SLC15A1: variants seen among roughly 807,000 people sequenced by gnomAD.
SLC15A1 encodes Caco-2 oligopeptide transporter.
SLC15A1 carries 83 observed loss-of-function variants against 92.9 expected under a neutral mutation model. That is an observed-to-expected ratio of 0.89 (90% CI 0.75 to 1.07). SLC15A1 has a LOEUF of 1.07. Among genes scored for constraint, SLC15A1 ranks in the 50% least tolerant of loss-of-function variants. The pLI is 0.00. For synonymous variants in SLC15A1, 322 were observed against 318.2 expected, an observed-to-expected ratio of 1.01 and a Z score of -0.13; for missense variants, 857 against 880.1, an observed-to-expected ratio of 0.97 and a Z score of 0.33.
intron 21 of SLC15A1, among the ~76,000 whole-genome samples, chr13:98,687,102 C>T (rs2087935070): frequency 6.6e-6 from 1 of 152,002 alleles, no homozygotes; most frequent in African/African-American, 2.4e-5. Context: ...CGTGCTCTAC[C>T]ATGCTCAGCT....
chr13:98,708,896 C>T (rs1219316523), intron 14 of SLC15A1, 129 bp from the exon 15 acceptor site: 3 of 552,912 alleles, frequency 5.4e-6, no homozygotes, highest in Non-Finnish European at 9.4e-6. Context: ...AGCACCTCTC[C>T]CCATCTTGGT....
intron 4 of SLC15A1, among the ~76,000 whole-genome samples, chr13:98,725,844 G>A (rs2139595578): frequency 6.6e-6 from 1 of 152,236 alleles, no homozygotes; most frequent in Non-Finnish European, 1.5e-5. Flanking sequence ...TCCCACCTCA[G>A]CCTCCCAGCT....
chr13:98,694,994 C>T (rs1168633108), intron 18 of SLC15A1, among the ~76,000 whole-genome samples: 1 of 116,462 alleles, frequency 8.6e-6, no homozygotes, highest in East Asian at 2.4e-4. Context: ...GCACTCCAAC[C>T]GGGGTGACAG....
At chr13:98,699,833 T>C (rs1043339260) in intron 18 of SLC15A1, among the ~76,000 whole-genome samples, 4 of 152,222 alleles carry the variant, frequency 2.6e-5, no homozygotes, top group Admixed American at 6.5e-5. Context: ...TTGTAACTCA[T>C]TGTGGTCTTC....
In SLC15A1 at chr13:98,711,939, C is replaced by T. The variant is rs765916431; in HGVS notation, c.815G>A (p.Arg272Gln). The stretch of plus-strand genomic sequence containing the variant: ...AACCATCTTAATTTGGGAGATGAGC[C>T]GCTCCTGTAGTTGGAGTGGGGAAGG... ...LDWAKEKYDERLISQIKMVTR... is the reference protein window; with the variant it reads ...LDWAKEKYDEQLISQIKMVTR... The change falls in exon 11 of 23, where the codon CGG becomes CAG. Residue 272 changes from arginine to glutamine, a missense_variant. Transcript: ENST00000376503. The T allele has an allele frequency of 9.3e-6, 15 of 1,611,502 alleles. No homozygotes were observed. In the Admixed American group the frequency reaches 1.3e-4, roughly 14 times the overall value.
At chr13:98,707,969 G>GT (rs1278994465) in intron 15 of SLC15A1, among the ~76,000 whole-genome samples, 19 of 142,404 alleles carry the variant, frequency 1.3e-4, no homozygotes, top group African/African-American at 3.7e-4. Context: ...ACTGCAATTA[G>GT]TTTTTTTTAA....
At chr13:98,727,379 C>A (rs1205659108) in intron 1 of SLC15A1, among the ~76,000 whole-genome samples, 1 of 152,208 alleles carries the variant, frequency 6.6e-6, no homozygotes, top group Admixed American at 6.5e-5. Flanking sequence ...GTGCCTACAT[C>A]ACCATACTGT....
At chr13:98,731,800 A>G (rs1417967817) in intron 1 of SLC15A1, among the ~76,000 whole-genome samples, 1 of 152,224 alleles carries the variant, frequency 6.6e-6, no homozygotes, top group African/African-American at 2.4e-5. Flanking sequence ...CAGTTACAGA[A>G]AAGAGGTCAT....
intron 1 of SLC15A1, among the ~76,000 whole-genome samples, chr13:98,729,056 T>C (rs1242709046): frequency 7.0e-6 from 1 of 141,974 alleles, no homozygotes. Flanking sequence ...AGATCTGGAA[T>C]GTTCTCAACA....
intron 1 of SLC15A1, among the ~76,000 whole-genome samples, chr13:98,738,778 G>A (rs1210049315): frequency 6.6e-6 from 1 of 152,258 alleles, no homozygotes; most frequent in Admixed American, 6.5e-5. Flanking sequence ...GAAAGGTGGG[G>A]TTGGAGCCCC....
At chr13:98,737,087 C>T (rs964200835) in intron 1 of SLC15A1, among the ~76,000 whole-genome samples, 9 of 152,182 alleles carry the variant, frequency 5.9e-5, no homozygotes, top group Non-Finnish European at 1.3e-4. Flanking sequence ...AGACTTGGAA[C>T]CAACCCAAAT....
At position 98,726,799 on chromosome 13, in the gene SLC15A1, A is replaced by T. The variant is rs8187816; in HGVS notation, c.21+44T>A. ...CCTTAGGGGTAAAACAGATGATAAA[A>T]TTTACAAGATGAAGATATGTAGAGA... On this transcript the variant is annotated intron_variant, in intron 2 of 22. Transcript: ENST00000376503. The T allele has an allele frequency of 4.8e-5, 77 of 1,594,446 alleles. No individual in the cohort carries two copies. In the African/African-American group the frequency reaches 9.4e-4, roughly 19 times the overall value.
chr13:98,703,172 G>C (rs1326140336), intron 17 of SLC15A1, among the ~76,000 whole-genome samples: 1 of 133,018 alleles, frequency 7.5e-6, no homozygotes, highest in Non-Finnish European at 1.6e-5. Context: ...ACAGAAGGAA[G>C]GAAGGAAGGG....
At chr13:98,730,331 G>A (rs1228464676) in intron 1 of SLC15A1, among the ~76,000 whole-genome samples, 5 of 150,608 alleles carry the variant, frequency 3.3e-5, no homozygotes, top group Non-Finnish European at 7.4e-5. Context: ...TTTAGTCCTT[G>A]TCCTAAGGGG....
intron 21 of SLC15A1, among the ~76,000 whole-genome samples, chr13:98,687,140 TTTAAAGCTAGACC>T (rs2087935393): frequency 6.6e-6 from 1 of 152,038 alleles, no homozygotes; most frequent in South Asian, 2.1e-4. Flanking sequence ...TTTTTTAATT[TTTAAAGCTAGACC>T]TTATTTGTTA....
chr13:98,734,362 C>G (rs61970112), intron 1 of SLC15A1, among the ~76,000 whole-genome samples: 1 of 152,304 alleles, frequency 6.6e-6, no homozygotes, highest in East Asian at 1.9e-4. Flanking sequence ...TCAGCGTGAT[C>G]AACACAGAAG....
intron 1 of SLC15A1, among the ~76,000 whole-genome samples, chr13:98,745,781 G>A (rs1312033909): frequency 6.6e-6 from 1 of 152,068 alleles, no homozygotes; most frequent in Non-Finnish European, 1.5e-5. Context: ...AGTTTGTGGT[G>A]CTTTTGTTAC....
chr13:98,692,671 A>G (rs1593980444), intron 18 of SLC15A1, among the ~76,000 whole-genome samples: 1 of 152,210 alleles, frequency 6.6e-6, no homozygotes, highest in African/African-American at 2.4e-5. Flanking sequence ...TTAACATTTC[A>G]AAGAACTGTT....
At chr13:98,702,052 C>A (rs569115856) in intron 18 of SLC15A1, among the ~76,000 whole-genome samples, 1 of 152,180 alleles carries the variant, frequency 6.6e-6, no homozygotes, top group South Asian at 2.1e-4. Flanking sequence ...CTCTTGCAAC[C>A]AGAGGATGTT....
Sources: allele counts gnomAD v4.1 joint callset (sites outside exome capture counted in the v4.1 genomes callset), GRCh38; gene constraint gnomAD v4.1.1; transcripts MANE v1.5; gene names NCBI Gene and HGNC (gene_info 2026-07-23, HGNC 2026-07-21).